SLC4A11: variants seen among roughly 807,000 people sequenced by gnomAD.
SLC4A11 encodes bicarbonate transporter related protein 1.
SLC4A11 carries 74 observed loss-of-function variants against 95.0 expected under a neutral mutation model. The observed-to-expected ratio is 0.78, with a 90% CI of 0.65 to 0.95. The LOEUF (loss-of-function observed/expected upper bound fraction) is 0.95. SLC4A11 is among the 40% of genes least tolerant of loss of function. The probability of loss-of-function intolerance (pLI) is 0.00; values close to 1 mark genes in which losing one functional copy is unlikely to be tolerated. For missense variants in SLC4A11, 1,081 were observed against 1,192.4 expected (o/e 0.91, Z 1.38); for synonymous variants, 548 against 519.0 (o/e 1.06, Z -0.76).
At chr20:3,228,781 G>A in intron 17 of SLC4A11, 57 bp downstream of exon 17, 1 of 1,612,952 alleles carries the variant, frequency 6.2e-7, no homozygotes, top group South Asian at 1.1e-5. Flanking sequence ...TATGTCCCAT[G>A]TGGCCAGAGG....
chr20:3,237,899 C>G, intron 1 of SLC4A11: 1 of 1,550,766 alleles, frequency 6.4e-7, no homozygotes, highest in Non-Finnish European at 8.7e-7. Flanking sequence ...GTACCATGTT[C>G]GCTAATCCAG....
intron 2 of SLC4A11, among the ~76,000 whole-genome samples, chr20:3,235,113 G>T (rs997442192): frequency 6.6e-6 from 1 of 152,274 alleles, no homozygotes; most frequent in African/African-American, 2.4e-5. Context: ...TTCCCTAGCC[G>T]CTGAGACCAG....
chr20:3,230,420 T>A (rs2067717686), intron 12 of SLC4A11, 95 bp downstream of exon 12: 2 of 1,590,866 alleles, frequency 1.3e-6, no homozygotes, highest in African/African-American at 2.7e-5. Flanking sequence ...GGGGCAGCAA[T>A]ATGGTGGGGG....
chr20:3,233,833 G>C (rs1429883044), intron 6 of SLC4A11, 88 bp downstream of exon 6: 1 of 1,543,126 alleles, frequency 6.5e-7, no homozygotes, highest in Admixed American at 1.7e-5. Flanking sequence ...AGGACTCACA[G>C]GTGGGCTGGC....
chr20:3,230,801 A>G lies in SLC4A11; in HGVS notation c.1213T>C (p.Tyr405His). 1 of 1,613,348 alleles carries G rather than the reference A, an allele frequency of 6.2e-7. No individual in the cohort carries two copies. The highest frequency in any genetic ancestry group is 8.5e-7 in the Non-Finnish European group (1 of 1,179,972). Residue 405 changes from tyrosine to histidine, a missense_variant, in exon 11 of 20, where the codon TAC becomes CAC. Tyr to His is a moderately conservative substitution (Grantham distance 83). Transcript: ENST00000642402. Reference protein sequence around the residue: ...IAGQSIGGLLYALFSGQPLVI... With the variant: ...IAGQSIGGLLHALFSGQPLVI... Reference sequence around the variant, plus strand: ...AATGGCTGCCCAGAGAAGAGCGCGTAGAGCAGGCCCCCGATGCTCTGCCCG... The same window carrying G: ...AATGGCTGCCCAGAGAAGAGCGCGTGGAGCAGGCCCCCGATGCTCTGCCCG...
chr20:3,233,886 G>T, intron 6 of SLC4A11, 35 bp downstream of exon 6: 1 of 1,608,302 alleles, frequency 6.2e-7, no homozygotes, highest in South Asian at 1.1e-5. Flanking sequence ...GTTCCACTGC[G>T]ACAAGAAGGG....
At chr20:3,235,040 G>C in intron 2 of SLC4A11, 146 bp from the exon 3 acceptor site, 1 of 918,118 alleles carries the variant, frequency 1.1e-6, no homozygotes, top group Non-Finnish European at 1.7e-6. Flanking sequence ...GAGGAAGGCA[G>C]CTTCTAGTCC....
At position 3,231,588 on chromosome 20, in the gene SLC4A11, A is replaced by T. The variant is rs1252393119; in HGVS notation, c.730-40T>A. On this transcript the variant is annotated intron_variant, in intron 7 of 19. Transcript: ENST00000642402. The surrounding 1 kb of genome is among the most constrained non-coding windows in gnomAD (Gnocchi z 5.2). ...TGGGAGTCACCCCTAGAAACAGAGG[A>T]GGCCCTGCCCGGGCCGAGCAGGTGA... 1 of 1,510,022 alleles carries T rather than the reference A, an allele frequency of 6.6e-7. No homozygotes were observed. Among genetic ancestry groups the T allele is most frequent in the Non-Finnish European group, 9.1e-7 (1 of 1,098,798 alleles). The allele number at this position is 1,510,022 out of a possible 1,614,324, so 93.5% of individuals were successfully genotyped here.
In SLC4A11 at chr20:3,228,483, G is replaced by A. The variant is rs371757654; in HGVS notation, c.2388+29C>T. 32 of 1,612,754 alleles carry A rather than the reference G, an allele frequency of 2.0e-5. No homozygotes were observed. The Middle Eastern group carries it at 6.6e-4, about 33-fold the overall frequency. On this transcript the variant is annotated intron_variant, in intron 18 of 19. Coordinates refer to ENST00000642402, the MANE Select transcript of SLC4A11 (RefSeq NM_001174089.2). Reference sequence around the variant, plus strand: ...GGCATGGGGCTGTGTCCCCACCCACGCCACTCCCTCGCAGGGCCAAGCGCT... The same window carrying A: ...GGCATGGGGCTGTGTCCCCACCCACACCACTCCCTCGCAGGGCCAAGCGCT...
At chr20:3,235,395 A>C (rs1280125552) in intron 2 of SLC4A11, among the ~76,000 whole-genome samples, 1 of 150,180 alleles carries the variant, frequency 6.7e-6, no homozygotes, top group Non-Finnish European at 1.5e-5. Flanking sequence ...CCGCCTCCCC[A>C]GGAGGGCAGG....
Position 3,230,722 on chromosome 20 carries a change from C to G in SLC4A11, c.1282+10G>C, listed in dbSNP as rs749206278. The G allele has an allele frequency of 1.7e-5, 27 of 1,613,032 alleles. No individual in the cohort carries two copies. The highest frequency in any genetic ancestry group is 2.2e-5 in the Non-Finnish European group (26 of 1,180,008). ...TCAGGCACCATCTCCCGCCTCAGCC[C>G]CCACTGCACCCTGGATGTAGAGCGC... On this transcript the variant is annotated intron_variant, in intron 11 of 19. Transcript: ENST00000642402.
At chr20:3,239,401 T>A, upstream of SLC4A11, 1 of 1,090,754 alleles carries the variant, frequency 9.2e-7, no homozygotes, top group South Asian at 4.5e-5. Flanking sequence ...CCGCAGCTGC[T>A]GGGCCAAACC....
chr20:3,231,167 G>A lies in SLC4A11; in HGVS notation c.1024C>T (p.Pro342Ser). 1.2e-6 allele frequency: 2 copies of A among 1,614,136 alleles called. No homozygotes were observed. Among genetic ancestry groups the A allele is most frequent in the South Asian group, 2.2e-5 (2 of 91,084 alleles). ...CACGTACCATCAGTGAAGTCCAAGG[G>A]GTACAAGGGGAACCTGCGTGCGATG... ...EDIARRFPLY[P>S]LDFTDGIIGK... Residue 342 changes from proline (P) to serine (S), a missense_variant, in exon 9 of 20, where the codon CCC becomes TCC. By Grantham distance (74) the Pro-to-Ser change is moderately conservative (BLOSUM62 -1). Around this residue, in one of 3 missense-constraint regions of SLC4A11, gnomAD observed 767 missense variants for 858.0 expected, o/e 0.89. Coordinates refer to ENST00000642402, the MANE Select transcript of SLC4A11 (RefSeq NM_001174089.2). The surrounding 1 kb of genome is among the most constrained non-coding windows in gnomAD (Gnocchi z 5.2).
At chr20:3,238,442 T>G (rs2068059105) in intron 1 of SLC4A11, 1 of 1,022,154 alleles carries the variant, frequency 9.8e-7, no homozygotes, top group Non-Finnish European at 1.2e-6. Context: ...GCGGGGGCGC[T>G]GGGGCGCGTC....
Position 3,230,798 on chromosome 20 carries a change from C to T in SLC4A11, c.1216G>A (p.Ala406Thr), listed in dbSNP as rs745445574. ...AGQSIGGLLY[A>T]LFSGQPLVIL... ...ACCAATGGCTGCCCAGAGAAGAGCG[C>T]GTAGAGCAGGCCCCCGATGCTCTGC... is the stretch of plus-strand genomic sequence containing the variant. The change falls in exon 11 of 20, where the codon GCG becomes ACG. Residue 406 changes from alanine to threonine, a missense_variant. By Grantham distance (58) the Ala-to-Thr change is moderately conservative (BLOSUM62 0). Around this residue, in one of 3 missense-constraint regions of SLC4A11, gnomAD observed 767 missense variants for 858.0 expected, o/e 0.89. Coordinates refer to ENST00000642402, the MANE Select transcript of SLC4A11 (RefSeq NM_001174089.2). The T allele has an allele frequency of 3.2e-5, 52 of 1,613,222 alleles. 1 individual carries two copies. Among genetic ancestry groups the T allele is most frequent in the East Asian group, 3.1e-4 (14 of 44,864 alleles).
At position 3,227,836 on chromosome 20, in the gene SLC4A11, A is replaced by G; in HGVS notation, c.2579T>C (p.Ile860Thr). The change falls in exon 20 of 20, where the codon ATC becomes ACC. Residue 860 changes from isoleucine (I) to threonine (T), a missense_variant. Ile to Thr is a moderately conservative substitution (Grantham distance 89). Coordinates refer to ENST00000642402, the MANE Select transcript of SLC4A11 (RefSeq NM_001174089.2). The stretch of plus-strand genomic sequence containing the variant: ...GACATCCAAGTACTTGGCTTCAATG[A>G]TTCGGGGCAGCAGGATATAGCTGTG... ...IPIRYILLPR[I>T]IEAKYLDVMD... 1 of 1,613,104 alleles carries G rather than the reference A, an allele frequency of 6.2e-7. No individual in the cohort carries two copies. Among genetic ancestry groups the G allele is most frequent in the African/African-American group, 1.3e-5 (1 of 75,014 alleles).
chr20:3,237,977 C>G, intron 1 of SLC4A11: 2 of 1,549,934 alleles, frequency 1.3e-6, no homozygotes, highest in African/African-American at 1.4e-5. Context: ...GGCCTCTCCC[C>G]CTCTCTCCTC....
In SLC4A11 at chr20:3,228,924, G is replaced by A. The variant is rs200010768; in HGVS notation, c.2106C>T (p.Ile702=). 1.7e-5 allele frequency: 27 copies of A among 1,614,006 alleles called. No homozygotes were observed. The Admixed American group carries it at 3.8e-4, about 23-fold the overall frequency. Residue 702 remains isoleucine (I), a synonymous_variant, in exon 17 of 20, where the codon ATC becomes ATT. Transcript: ENST00000642402. Reference sequence around the variant, plus strand: ...GCGGGGAGTGGGGGTAGGCGGCATGGATCCAAGGCAGCCCAAACAGAGACA... The same window carrying A: ...GCGGGGAGTGGGGGTAGGCGGCATGAATCCAAGGCAGCCCAAACAGAGACA... ...TGLSLFGLPW[I]HAAYPHSPLH...
chr20:3,237,891 A>ACCAT, intron 1 of SLC4A11: 5 of 1,550,840 alleles, frequency 3.2e-6, no homozygotes, highest in Non-Finnish European at 4.4e-6. Context: ...TAGTACCAGT[A>ACCAT]CCATGTTCGC....
Sources: allele counts gnomAD v4.1 joint callset (sites outside exome capture counted in the v4.1 genomes callset), GRCh38; gene constraint gnomAD v4.1.1; regional missense constraint gnomAD v4.1.1; non-coding constraint Gnocchi (gnomAD v3.1); transcripts MANE v1.5; gene names NCBI Gene and HGNC (gene_info 2026-07-23, HGNC 2026-07-21).